The following TBC1D9B variants were observed in gnomAD, a reference collection of about 807,000 sequenced individuals.
The protein encoded by TBC1D9B is TBC1 domain family, member 9B (with GRAM domain).
In TBC1D9B, 87 loss-of-function variants were observed where a neutral mutation model predicts 121.1. The observed-to-expected ratio is 0.72, with a 90% CI of 0.60 to 0.86. The LOEUF (loss-of-function observed/expected upper bound fraction) is 0.86, where lower values mean the gene tolerates loss of function less well. Among genes scored for constraint, TBC1D9B ranks in the 40% least tolerant of loss-of-function variants. The probability of loss-of-function intolerance (pLI) is 0.00; values close to 1 mark genes in which losing one functional copy is unlikely to be tolerated. For synonymous variants in TBC1D9B, 668 were observed against 670.1 expected (o/e 1.00, Z 0.05); for missense variants, 1,540 against 1,628.6 (o/e 0.95, Z 0.94).
chr5:179,871,617 A>T, intron 14 of TBC1D9B, 87 bp from the exon 15 acceptor site: 1 of 1,455,340 alleles, frequency 6.9e-7, no homozygotes, highest in Non-Finnish European at 9.5e-7. Context: ...TCCTCGGCAG[A>T]CAAGGGCAAG....
At chr5:179,883,724 G>GT (rs1486770474) in intron 7 of TBC1D9B, among the ~76,000 whole-genome samples, 3 of 152,152 alleles carry the variant, frequency 2.0e-5, no homozygotes, top group Non-Finnish European at 4.4e-5. Context: ...CTGGAGGAAT[G>GT]TTTTTCTGGT....
At chr5:179,893,072 C>T in intron 5 of TBC1D9B, 137 bp downstream of exon 5, 1 of 1,275,046 alleles carries the variant, frequency 7.8e-7, no homozygotes, top group Non-Finnish European at 1.1e-6. Flanking sequence ...TACCTGGCTT[C>T]CTTCCCAAGT....
chr5:179,898,594 G>A (rs746717998), intron 3 of TBC1D9B, among the ~76,000 whole-genome samples: 6 of 151,962 alleles, frequency 3.9e-5, no homozygotes, highest in Non-Finnish European at 7.4e-5. Flanking sequence ...GATTACAGGC[G>A]CGTGCCACCA....
rs1162400431 is a variant in TBC1D9B, at chr5:179,863,708, G to A, written c.3442C>T (p.Leu1148=). The A allele has an allele frequency of 8.7e-6, 14 of 1,613,462 alleles. No individual in the cohort carries two copies. Among genetic ancestry groups the A allele is most frequent in the African/African-American group, 1.3e-5 (1 of 74,884 alleles). The change falls in exon 21 of 21, where the codon CTG becomes TTG. Residue 1148 remains leucine (L), a synonymous_variant. Coordinates refer to ENST00000355235, the MANE Select transcript of TBC1D9B (RefSeq NM_015043.4). This position sits in a 1 kb window ranked among gnomAD's most constrained non-coding sequence, Gnocchi z 4.5. ...SSYSVVSTGS[L]QCEDLADDTV... is the part of the protein sequence containing the mutation. ...TCGTCTGCAAGGTCTTCACATTGCA[G>A]GGAGCCCGTGCTGACCACCGAGTAG...
At chr5:179,866,022 C>A in intron 18 of TBC1D9B, 134 bp from the exon 19 acceptor site, 1 of 1,038,472 alleles carries the variant, frequency 9.6e-7, no homozygotes, top group Non-Finnish European at 1.5e-6. Flanking sequence ...GCAGGTCTCC[C>A]ATGCCACACC....
intron 16 of TBC1D9B, among the ~76,000 whole-genome samples, 189 bp downstream of exon 16, chr5:179,870,055 AGGGAGGGGAGC>A (rs1299286862): frequency 3.3e-5 from 5 of 152,046 alleles, no homozygotes; most frequent in Non-Finnish European, 7.4e-5. Context: ...AGACTGCATG[AGGGAGGGGAGC>A]GGGCAAGGCT....
Position 179,863,824 on chromosome 5 carries a change from A to G in TBC1D9B, c.3326T>C (p.Val1109Ala), listed in dbSNP as rs1023877851. 6.2e-7 allele frequency: 1 copy of G among 1,612,960 alleles called. No homozygotes were observed. Among genetic ancestry groups the G allele is most frequent in the African/African-American group, 1.3e-5 (1 of 74,710 alleles). ...CTCGCCGCTGCCCCCCTCCACCACC[A>G]CCTGGCTCTCCTGTGGGGCTTTTCC... ...HLGKAPQESQ[V>A]VVEGGSGEGQ... Residue 1109 changes from valine (V) to alanine (A), a missense_variant, in exon 21 of 21, where the codon GTG becomes GCG. Physicochemically the swap from Val to Ala is moderately conservative, Grantham distance 64 (BLOSUM62 0). Coordinates refer to ENST00000355235, the MANE Select transcript of TBC1D9B (RefSeq NM_015043.4). The surrounding 1 kb of genome is among the most constrained non-coding windows in gnomAD (Gnocchi z 4.5).
At position 179,885,721 on chromosome 5, in the gene TBC1D9B, G is replaced by T. The variant is rs1364627343; in HGVS notation, c.1254+2382C>A. On this transcript the variant is annotated intron_variant, in intron 7 of 20. Coordinates refer to ENST00000355235, the MANE Select transcript of TBC1D9B (RefSeq NM_015043.4). The surrounding 1 kb of genome is among the most constrained non-coding windows in gnomAD (Gnocchi z 4.5). ...CCCGCTGGATTTCCAGTGCTCCATG[G>T]CCACACGTGGCTGCTGTACTAGACG... Among the ~76,000 whole-genome samples, 1 of 152,170 alleles carries T rather than the reference G, an allele frequency of 6.6e-6. No homozygotes were observed. Among genetic ancestry groups the T allele is most frequent in the African/African-American group, 2.4e-5 (1 of 41,428 alleles).
intron 3 of TBC1D9B, among the ~76,000 whole-genome samples, chr5:179,895,275 C>G (rs1414598078): frequency 7.9e-5 from 12 of 152,196 alleles, no homozygotes; most frequent in Admixed American, 5.9e-4. Context: ...AAAAGGGAAT[C>G]TTTTCTCGCT....
In TBC1D9B at chr5:179,902,609, C is replaced by T. The variant is rs1761194898; in HGVS notation, c.229+2093G>A. 6.6e-6 allele frequency among the ~76,000 whole-genome samples: 1 copy of T among 152,142 alleles called. No individual in the cohort carries two copies. The highest frequency in any genetic ancestry group is 6.5e-5 in the Admixed American group (1 of 15,290). ...GCTGTGGCTGGGCCCCTCCCCAGCA[C>T]CAGGCCTGCTGTGACTAAAGGGATT... is the stretch of plus-strand genomic sequence containing the variant. On this transcript the variant is annotated intron_variant, in intron 2 of 20. Coordinates refer to ENST00000355235, the MANE Select transcript of TBC1D9B (RefSeq NM_015043.4). This position sits in a 1 kb window ranked among gnomAD's most constrained non-coding sequence, Gnocchi z 4.9.
At chr5:179,887,467 C>CTCTA (rs1760722295) in intron 7 of TBC1D9B, among the ~76,000 whole-genome samples, 1 of 152,228 alleles carries the variant, frequency 6.6e-6, no homozygotes, top group Admixed American at 6.5e-5. Context: ...CGATGAGAGA[C>CTCTA]TCTATGGCAC....
intron 17 of TBC1D9B, 114 bp downstream of exon 17, chr5:179,869,655 G>A (rs1277443275): frequency 4.4e-6 from 5 of 1,140,000 alleles, no homozygotes; most frequent in Non-Finnish European, 5.2e-6. Flanking sequence ...CCTCCAGCCT[G>A]CGACGCTGCT....
At chr5:179,872,150 C>T (rs1381087278) in intron 14 of TBC1D9B, 1 of 151,462 alleles carries the variant, frequency 6.6e-6, no homozygotes, top group Non-Finnish European at 1.5e-5. Context: ...GAGCCTCTCT[C>T]TCACACTCCG....
chr5:179,893,124 C>T (rs1760910527), intron 5 of TBC1D9B, 85 bp downstream of exon 5: 1 of 1,507,876 alleles, frequency 6.6e-7, no homozygotes, highest in Admixed American at 2.1e-5. Context: ...TTCTCCAGGT[C>T]TACACACTTG....
intron 1 of TBC1D9B, among the ~76,000 whole-genome samples, chr5:179,905,563 C>G (rs1761288554): frequency 6.6e-6 from 1 of 152,092 alleles, no homozygotes; most frequent in African/African-American, 2.4e-5. Flanking sequence ...TCACATATAC[C>G]CCTTTGATAG....
At chr5:179,892,649 C>T (rs1446036770) in intron 5 of TBC1D9B, among the ~76,000 whole-genome samples, 1 of 152,220 alleles carries the variant, frequency 6.6e-6, no homozygotes, top group African/African-American at 2.4e-5. Flanking sequence ...TGGCTGGCTT[C>T]AGACCCAGAG....
rs1269422551 is a variant in TBC1D9B, at chr5:179,888,322, T to C, written c.1045-10A>G. The stretch of plus-strand genomic sequence containing the variant: ...TTTCGACAATGGTCACCTGAGAAGG[T>C]GAAAGAACTCTTTTGGGTGTCTGCA... On this transcript the variant is annotated splice_polypyrimidine_tract_variant and intron_variant, in intron 6 of 20. Coordinates refer to ENST00000355235, the MANE Select transcript of TBC1D9B (RefSeq NM_015043.4). The C allele has an allele frequency of 3.1e-6, 5 of 1,611,336 alleles. No individual in the cohort carries two copies. The Admixed American group carries it at 8.5e-5, about 27-fold the overall frequency.
In TBC1D9B at chr5:179,893,482, A is replaced by G. The variant is rs1394917053; in HGVS notation, c.578-15T>C. The G allele has an allele frequency of 6.3e-7, 1 of 1,580,636 alleles. No individual in the cohort carries two copies. On this transcript the variant is annotated splice_polypyrimidine_tract_variant and intron_variant, in intron 4 of 20. Transcript: ENST00000355235. ...CACGAGGCTCACTGTGCCCACAGAGATAGACACACCGCAAGTTAGGGCCTG... is the reference window on the plus strand; with the variant it reads ...CACGAGGCTCACTGTGCCCACAGAGGTAGACACACCGCAAGTTAGGGCCTG...
In TBC1D9B at chr5:179,870,466, C is replaced by A. The variant is rs1247837740; in HGVS notation, c.2514G>T (p.Gly838=). 3.1e-6 allele frequency: 5 copies of A among 1,611,834 alleles called. No individual in the cohort carries two copies. The South Asian group carries it at 4.4e-5, about 14-fold the overall frequency. Residue 838 remains glycine (G), a synonymous_variant, in exon 16 of 21, where the codon GGG becomes GGT. Coordinates refer to ENST00000355235, the MANE Select transcript of TBC1D9B (RefSeq NM_015043.4). ...KAKHLASQYW[G]CSRTMAGRRD... ...GACGGCCGGCCATTGTGCGGCTGCACCCCCAGTACTGGCTAGCCAGGTGCT... is the reference window on the plus strand; with the variant it reads ...GACGGCCGGCCATTGTGCGGCTGCAACCCCAGTACTGGCTAGCCAGGTGCT...
Sources: allele counts gnomAD v4.1 joint callset (sites outside exome capture counted in the v4.1 genomes callset), GRCh38; gene constraint gnomAD v4.1.1; non-coding constraint Gnocchi (gnomAD v3.1); transcripts MANE v1.5; gene names NCBI Gene and HGNC (gene_info 2026-07-23, HGNC 2026-07-21).